Variants in DNM2 observed in about 807,000 individuals in gnomAD.
The protein encoded by DNM2 is dynamin 2.
Under a neutral mutation model 99.0 loss-of-function variants are expected in DNM2, and 15 were observed. That is an observed-to-expected ratio of 0.15 (90% CI 0.10 to 0.23). The LOEUF (loss-of-function observed/expected upper bound fraction) is 0.23, where lower values mean the gene tolerates loss of function less well. DNM2 is among the 10% of genes least tolerant of loss of function. The pLI is 1.00. For synonymous variants in DNM2, 525 were observed against 481.2 expected, an observed-to-expected ratio of 1.09 and a Z score of -1.19; for missense variants, 742 against 1,189.4, an observed-to-expected ratio of 0.62 and a Z score of 5.53.
intron 1 of DNM2, among the ~76,000 whole-genome samples, chr19:10,724,384 A>G (rs185653602): frequency 1.3e-5 from 2 of 152,198 alleles, no homozygotes; most frequent in East Asian, 1.9e-4. Flanking sequence ...TCACCATGTT[A>G]GCCAGGATGG....
At chr19:10,824,190 C>T (rs948171459) in intron 17 of DNM2, 4 of 440,524 alleles carry the variant, frequency 9.1e-6, no homozygotes, top group Non-Finnish European at 1.7e-5. Flanking sequence ...AACATGGCCA[C>T]CCTTGGCCCC....
chr19:10,829,762 C>T (rs566497227), intron 19 of DNM2, among the ~76,000 whole-genome samples: 14 of 152,088 alleles, frequency 9.2e-5, no homozygotes, highest in African/African-American at 2.9e-4. Context: ...GGGAGGATAT[C>T]GCACCCAGGC....
rs2072870496 is a variant in DNM2 at position 10,818,865 on chromosome 19, T to G, written c.1672-1115T>G. ...GGCTTGCGCTGCCTGCCGTGTGGCC[T>G]TCGGCAGCCAGCTTCCCTCTCTGAG... On this transcript the variant is annotated intron_variant, in intron 15 of 20. Transcript: ENST00000389253. The surrounding 1 kb of genome is among the most constrained non-coding windows in gnomAD (Gnocchi z 4.3). 6.6e-6 allele frequency among the ~76,000 whole-genome samples: 1 copy of G among 152,148 alleles called. No individual in the cohort carries two copies. The highest frequency in any genetic ancestry group is 1.5e-5 in the Non-Finnish European group (1 of 68,018).
At chr19:10,753,101 G>T (rs149856646) in intron 1 of DNM2, among the ~76,000 whole-genome samples, 45 of 152,282 alleles carry the variant, frequency 3.0e-4, no homozygotes, top group Middle Eastern at 6.8e-3. Context: ...TCCAGCCAGG[G>T]CAGCAGAGTG....
intron 1 of DNM2, among the ~76,000 whole-genome samples, chr19:10,736,213 CA>C (rs1285050417): frequency 6.8e-6 from 1 of 147,646 alleles, no homozygotes; most frequent in Non-Finnish European, 1.5e-5. Context: ...TGCAGTGAGC[CA>C]AGATCGCGCT....
At chr19:10,742,966 T>C (rs1174849107) in intron 1 of DNM2, among the ~76,000 whole-genome samples, 1 of 149,842 alleles carries the variant, frequency 6.7e-6, no homozygotes, top group African/African-American at 2.5e-5. Context: ...CAGGTTGTGG[T>C]GCAGTGGCTC....
chr19:10,830,667 C>T lies in DNM2; in HGVS notation c.2543+289C>T. The T allele has an allele frequency of 6.8e-6, 4 of 584,412 alleles. No homozygotes were observed. The East Asian group carries it at 8.7e-5, about 13-fold the overall frequency. The allele number at this position is 584,412 out of a possible 1,614,324, so 36.2% of individuals were successfully genotyped here. On this transcript the variant is annotated intron_variant, in intron 20 of 20. Coordinates refer to ENST00000389253, the MANE Select transcript of DNM2 (RefSeq NM_001005361.3). The surrounding 1 kb of genome is among the most constrained non-coding windows in gnomAD (Gnocchi z 4.8). Reference sequence around the variant, plus strand: ...CCCTCACACTGGGCACCTCCTCCCACTGTTTACCTTCTTCTCCTTCCTGCT... The same window carrying T: ...CCCTCACACTGGGCACCTCCTCCCATTGTTTACCTTCTTCTCCTTCCTGCT...
chr19:10,738,870 CAAAAAAA>C (rs1007919897), intron 1 of DNM2, among the ~76,000 whole-genome samples: 1 of 66,548 alleles, frequency 1.5e-5, no homozygotes, highest in Non-Finnish European at 3.0e-5. Flanking sequence ...AACTCCATCG[CAAAAAAA>C]AAAAAAAAAG....
chr19:10,787,854 A>T (rs907903052), intron 7 of DNM2, among the ~76,000 whole-genome samples: 109 of 151,664 alleles, frequency 7.2e-4, no homozygotes, highest in African/African-American at 2.4e-3. Flanking sequence ...GCTTGAACCC[A>T]GGAGGTTGAG....
At chr19:10,823,928 C>G (rs1341845398) in intron 17 of DNM2, 29 bp downstream of exon 17, 1 of 1,606,768 alleles carries the variant, frequency 6.2e-7, no homozygotes, top group Non-Finnish European at 8.5e-7. Flanking sequence ...CAGCCAGGCC[C>G]AGAGCCCCCA....
rs35999203 is a variant in DNM2 at position 10,743,809 on chromosome 19, CAAAAAAAAAA to C, written c.162-15910_162-15901del. 5.8e-4 allele frequency among the ~76,000 whole-genome samples: 19 copies of C among 32,648 alleles called. No individual in the cohort carries two copies. The South Asian group carries it at 0.017, about 29-fold the overall frequency. The allele number at this position is 32,648 out of a possible 152,430, so 21.4% of individuals were successfully genotyped here. A position where few individuals can be genotyped will look rare whatever the true frequency, so the allele number is the denominator to read the frequency against. ...TGGGTGACAAAGCGAGACTCTGTCTCAAAAAAAAAAAAAAAAAAAAAAAAAAAATTAGCCG... is the reference window on the plus strand; with the variant it reads ...TGGGTGACAAAGCGAGACTCTGTCTCAAAAAAAAAAAAAAAAAATTAGCCG... On this transcript the variant is annotated intron_variant, in intron 1 of 20. Coordinates refer to ENST00000389253, the MANE Select transcript of DNM2 (RefSeq NM_001005361.3).
At chr19:10,808,237 G>A (rs970603067) in intron 13 of DNM2, among the ~76,000 whole-genome samples, 1 of 152,118 alleles carries the variant, frequency 6.6e-6, no homozygotes, top group African/African-American at 2.4e-5. Context: ...AGGGGTGGGG[G>A]CGGGGACTCC....
chr19:10,824,758 G>A (rs748761945), intron 17 of DNM2: 12 of 446,136 alleles, frequency 2.7e-5, no homozygotes, highest in Non-Finnish European at 4.6e-5. Context: ...GCGGTGAACT[G>A]TGTTTGTGCC....
Position 10,798,517 on chromosome 19 carries a change from CAG to C in DNM2, c.1370_1371del (p.Glu457AlafsTer25), listed in dbSNP as rs772920978. On this transcript the variant is annotated frameshift_variant, in exon 11 of 21. Transcript: ENST00000389253. LOFTEE classifies it high-confidence loss of function. ...TCCTACCCCCGGTTGCGAGAGGAGA[CAG>C]AGCGAATCGTCACCACTTACATCCG... is the stretch of plus-strand genomic sequence containing the variant. 6.2e-7 allele frequency: 1 copy of C among 1,614,196 alleles called. No individual in the cohort carries two copies. Among genetic ancestry groups the C allele is most frequent in the East Asian group, 2.2e-5 (1 of 44,882 alleles).
Position 10,830,877 on chromosome 19 carries a change from G to A in DNM2, c.2544-101G>A. On this transcript the variant is annotated intron_variant, in intron 20 of 20. Coordinates refer to ENST00000389253, the MANE Select transcript of DNM2 (RefSeq NM_001005361.3). The surrounding 1 kb of genome is among the most constrained non-coding windows in gnomAD (Gnocchi z 4.8). ...GAGGTCAGCCTGGGAACACCCTGGG[G>A]TGGTGTGTGGGTGGGGGCTGGGTCC... 2 of 1,387,964 alleles carry A rather than the reference G, an allele frequency of 1.4e-6. No homozygotes were observed. The highest frequency in any genetic ancestry group is 2.0e-6 in the Non-Finnish European group (2 of 1,023,652). 86.0% of individuals were successfully genotyped at this position (1,387,964 alleles called of 1,614,324 possible). A position where few individuals can be genotyped will look rare whatever the true frequency, so the allele number is the denominator to read the frequency against.
intron 1 of DNM2, among the ~76,000 whole-genome samples, chr19:10,725,560 A>G (rs2069087601): frequency 6.6e-6 from 1 of 152,048 alleles, no homozygotes; most frequent in Non-Finnish European, 1.5e-5. Context: ...GGAATATGGA[A>G]GGCTTGGTTC....
At chr19:10,781,447 C>T (rs1229303401) in intron 5 of DNM2, 2 of 139,676 alleles carry the variant, frequency 1.4e-5, no homozygotes, top group East Asian at 4.3e-4. Flanking sequence ...GGCACCTCTC[C>T]CTTGCTTCTC....
intron 9 of DNM2, among the ~76,000 whole-genome samples, 196 bp from the exon 10 acceptor site, chr19:10,797,184 C>T (rs1464234505): frequency 6.6e-6 from 1 of 151,928 alleles, no homozygotes; most frequent in Non-Finnish European, 1.5e-5. Context: ...CACCCCAGAC[C>T]GAGCCCACAC....
intron 11 of DNM2, among the ~76,000 whole-genome samples, chr19:10,800,412 G>A (rs1310653081): frequency 6.6e-6 from 1 of 152,182 alleles, no homozygotes; most frequent in Non-Finnish European, 1.5e-5. Flanking sequence ...TGTATCAAAA[G>A]TCTGGAAGAG....
Sources: gnomAD v4.1 joint callset for allele counts (sites outside exome capture counted in the v4.1 genomes callset) on GRCh38, gnomAD v4.1.1 for gene constraint, Gnocchi (gnomAD v3.1) non-coding constraint, MANE v1.5 for transcripts, NCBI Gene and HGNC (gene_info 2026-07-23, HGNC 2026-07-21) for gene names.